Variants in VRK2 observed in about 807,000 individuals in gnomAD.
VRK2 encodes serine/threonine-protein kinase VRK2.
A neutral mutation model predicts 57.6 loss-of-function variants in VRK2; 60 were observed. The ratio of observed to expected loss-of-function variants is 1.04; its 90% confidence interval spans 0.85 to 1.29. The LOEUF is 1.29. VRK2 is among the 50% of genes most tolerant of loss of function. The pLI is 0.00. For synonymous variants in VRK2, 231 were observed against 199.2 expected (o/e 1.16, Z -1.35); for missense variants, 705 against 588.1 (o/e 1.20, Z -2.06).
At chr2:58,090,756 G>GTGAA (rs1672265415) in intron 7 of VRK2, among the ~76,000 whole-genome samples, 1 of 152,162 alleles carries the variant, frequency 6.6e-6, no homozygotes. Flanking sequence ...AAACCTGCAC[G>GTGAA]TGAATGCTTG....
At chr2:58,015,628 T>C (rs1257993970) in intron 1 of VRK2, among the ~76,000 whole-genome samples, 1 of 151,912 alleles carries the variant, frequency 6.6e-6, no homozygotes, top group Admixed American at 6.5e-5. Flanking sequence ...TACATATTTA[T>C]GTGTATAAAA....
At chr2:58,082,906 G>A (rs1448428023) in intron 2 of VRK2, among the ~76,000 whole-genome samples, 1 of 151,586 alleles carries the variant, frequency 6.6e-6, no homozygotes, top group East Asian at 1.9e-4. Flanking sequence ...TGGCTCAACT[G>A]TAATGTACAA....
chr2:58,063,554 C>G (rs1051119556), intron 2 of VRK2, among the ~76,000 whole-genome samples: 1 of 151,962 alleles, frequency 6.6e-6, no homozygotes, highest in Non-Finnish European at 1.5e-5. Flanking sequence ...TTGAAACCTA[C>G]TTCTCAGAAA....
chr2:57,974,893 C>A (rs1223960992), intron 1 of VRK2, among the ~76,000 whole-genome samples: 5 of 151,694 alleles, frequency 3.3e-5, no homozygotes, highest in African/African-American at 1.2e-4. Context: ...TATATATACA[C>A]ACAGAAACTT....
At chr2:58,091,922 G>T (rs890474970) in intron 7 of VRK2, among the ~76,000 whole-genome samples, 22 of 152,096 alleles carry the variant, frequency 1.4e-4, no homozygotes, top group African/African-American at 5.1e-4. Flanking sequence ...GCTGATAAAG[G>T]TACCAGCACT....
intron 1 of VRK2, among the ~76,000 whole-genome samples, chr2:58,011,843 C>G (rs1673427658): frequency 6.6e-6 from 1 of 152,154 alleles, no homozygotes; most frequent in African/African-American, 2.4e-5. Context: ...AAAACAGTAT[C>G]TGGGTCTGCC....
At chr2:58,123,305 T>C in intron 8 of VRK2, 72 bp downstream of exon 8, 1 of 1,534,446 alleles carries the variant, frequency 6.5e-7, no homozygotes, top group Non-Finnish European at 8.7e-7. Context: ...TGAGGCTGCA[T>C]GAAATGACCT....
chr2:57,969,890 C>T (rs1383866622), intron 1 of VRK2, among the ~76,000 whole-genome samples: 1 of 151,902 alleles, frequency 6.6e-6, no homozygotes, highest in African/African-American at 2.4e-5. Flanking sequence ...GTCCATATGC[C>T]GAGGTCTTTC....
chr2:57,965,886 T>C (rs930846416), intron 1 of VRK2, among the ~76,000 whole-genome samples: 4 of 152,334 alleles, frequency 2.6e-5, no homozygotes, highest in Admixed American at 2.6e-4. Context: ...ATTTCCTTGA[T>C]GAAAAGTACA....
rs372178229 is a variant in VRK2, at chr2:58,068,828, AAC to A, written c.137-15259_137-15258del. Among the ~76,000 whole-genome samples, 453 of 142,294 alleles carry A rather than the reference AAC, an allele frequency of 3.2e-3. 1 individual carries two copies. The highest frequency in any genetic ancestry group is 0.018 in the Middle Eastern group (5 of 272). The allele number at this position is 142,294 out of a possible 152,430, so 93.4% of individuals were successfully genotyped here. A position where few individuals can be genotyped will look rare whatever the true frequency, so the allele number is the denominator to read the frequency against. On this transcript the variant is annotated intron_variant, in intron 2 of 12. Coordinates refer to ENST00000340157, the MANE Select transcript of VRK2 (RefSeq NM_006296.7). ...CCCCTCAGGAAAAAAAAAAAAAAAAAACAAAAACTCGGTTATGTATCTTTTAG... is the reference window on the plus strand; with the variant it reads ...CCCCTCAGGAAAAAAAAAAAAAAAAAAAAAACTCGGTTATGTATCTTTTAG...
chr2:58,098,403 C>T (rs1673471774), intron 7 of VRK2, among the ~76,000 whole-genome samples: 1 of 152,080 alleles, frequency 6.6e-6, no homozygotes, highest in African/African-American at 2.4e-5. Flanking sequence ...CATTCACTCA[C>T]CACTCACTCA....
intron 1 of VRK2, among the ~76,000 whole-genome samples, chr2:57,981,042 T>C (rs1039041187): frequency 3.9e-5 from 6 of 152,196 alleles, no homozygotes; most frequent in Non-Finnish European, 7.3e-5. Context: ...AAAGTTAATA[T>C]TGACATGTTA....
At chr2:58,136,944 A>G (rs1400337137) in intron 10 of VRK2, among the ~76,000 whole-genome samples, 2 of 136,214 alleles carry the variant, frequency 1.5e-5, no homozygotes, top group African/African-American at 5.7e-5. Flanking sequence ...TATATATTAT[A>G]TATCATATAT....
At chr2:58,129,330 A>C (rs760440455) in intron 8 of VRK2, among the ~76,000 whole-genome samples, 17 of 152,202 alleles carry the variant, frequency 1.1e-4, no homozygotes, top group Non-Finnish European at 1.9e-4. Flanking sequence ...TATTCAAATG[A>C]ATGAAAATAT....
intron 7 of VRK2, 93 bp from the exon 8 acceptor site, chr2:58,123,008 G>C: frequency 6.8e-7 from 1 of 1,473,006 alleles, no homozygotes; most frequent in East Asian, 2.5e-5. Flanking sequence ...ATCTGAGGCT[G>C]TTCTTAACCT....
intron 1 of VRK2, among the ~76,000 whole-genome samples, chr2:58,003,225 C>T (rs1206732013): frequency 6.6e-6 from 1 of 152,072 alleles, no homozygotes; most frequent in Non-Finnish European, 1.5e-5. Context: ...TATTGCCCTT[C>T]TTGCTTAAAA....
At chr2:58,025,499 G>A (rs1426164413) in intron 1 of VRK2, among the ~76,000 whole-genome samples, 1 of 152,088 alleles carries the variant, frequency 6.6e-6, no homozygotes, top group African/African-American at 2.4e-5. Context: ...TAATCAAAAT[G>A]TCTGCTATAT....
intron 7 of VRK2, among the ~76,000 whole-genome samples, chr2:58,109,945 C>T (rs1262791082): frequency 6.6e-6 from 1 of 152,084 alleles, no homozygotes; most frequent in East Asian, 1.9e-4. Context: ...TAGCTTTACC[C>T]ATCCATCTGG....
chr2:58,080,101 T>C (rs548604983), intron 2 of VRK2, among the ~76,000 whole-genome samples: 1 of 152,100 alleles, frequency 6.6e-6, no homozygotes, highest in Admixed American at 6.6e-5. Context: ...TATTTCTTTA[T>C]TTGTGGAGTT....
Sources: allele counts gnomAD v4.1 joint callset (sites outside exome capture counted in the v4.1 genomes callset), GRCh38; gene constraint gnomAD v4.1.1; transcripts MANE v1.5; gene names NCBI Gene and HGNC (gene_info 2026-07-23, HGNC 2026-07-21).